The following MCTP2 variants were observed in gnomAD, a reference collection of about 807,000 sequenced individuals.
The protein encoded by MCTP2 is multiple C2 and transmembrane domain-containing protein 2.
Under a neutral mutation model 111.6 loss-of-function variants are expected in MCTP2, and 132 were observed. That is an observed-to-expected ratio of 1.18 (90% confidence interval 1.03 to 1.37). MCTP2 has a LOEUF of 1.37. MCTP2 is among the 40% of genes most tolerant of loss of function. MCTP2 has a pLI of 0.00. For missense variants in MCTP2, 1,183 were observed against 1,067.9 expected (o/e 1.11, Z -1.50); for synonymous variants, 395 against 387.7 (o/e 1.02, Z -0.22).
At chr15:94,422,140 T>A (rs2082656502) in intron 17 of MCTP2, among the ~76,000 whole-genome samples, 1 of 152,154 alleles carries the variant, frequency 6.6e-6, no homozygotes, top group African/African-American at 2.4e-5. Flanking sequence ...TTCAGTCTCC[T>A]TTCCCCAAGG....
At position 94,276,052 on chromosome 15, in the gene MCTP2, G is replaced by C. The variant is rs781772118; in HGVS notation, c.-65-22149G>C. 7.2e-5 allele frequency among the ~76,000 whole-genome samples: 11 copies of C among 152,078 alleles called. No homozygotes were observed. In the South Asian group the frequency reaches 8.3e-4, roughly 11 times the overall value. Reference sequence around the variant, plus strand: ...GTAGAGATGGGATTTCACCGTGTTAGCCAGGATGGTCTTGATCTCCTGACC... The same window carrying C: ...GTAGAGATGGGATTTCACCGTGTTACCCAGGATGGTCTTGATCTCCTGACC... On this transcript the variant is annotated intron_variant, in intron 1 of 22. Coordinates refer to ENST00000357742, the MANE Select transcript of MCTP2 (RefSeq NM_001385001.1).
chr15:94,298,832 C>T (rs1361825053), intron 2 of MCTP2, 102 bp downstream of exon 2: 2 of 424,650 alleles, frequency 4.7e-6, no homozygotes, highest in African/African-American at 1.8e-4. Context: ...TCCCCCCTCC[C>T]CCTCCCTCTC....
chr15:94,289,950 A>G, intron 1 of MCTP2, among the ~76,000 whole-genome samples: 1 of 152,192 alleles, frequency 6.6e-6, no homozygotes, highest in Non-Finnish European at 1.5e-5. Flanking sequence ...AAATAGTGGG[A>G]TGCATCAATG....
At chr15:94,277,148 A>G (rs532919457) in intron 1 of MCTP2, among the ~76,000 whole-genome samples, 14 of 152,258 alleles carry the variant, frequency 9.2e-5, no homozygotes, top group African/African-American at 3.4e-4. Flanking sequence ...ACATACTATC[A>G]GCTCATGAGG....
chr15:94,313,133 G>T (rs967396274), intron 2 of MCTP2, among the ~76,000 whole-genome samples: 1 of 152,092 alleles, frequency 6.6e-6, no homozygotes, highest in Non-Finnish European at 1.5e-5. Flanking sequence ...TTTCATTGAC[G>T]CAATCAGTCC....
At chr15:94,356,918 A>G (rs1035031628) in intron 9 of MCTP2, among the ~76,000 whole-genome samples, 1 of 152,186 alleles carries the variant, frequency 6.6e-6, no homozygotes, top group African/African-American at 2.4e-5. Flanking sequence ...ATTTTATTTC[A>G]AAAACTATAG....
intron 17 of MCTP2, among the ~76,000 whole-genome samples, chr15:94,407,802 CACACACACACACACAT>C (rs1336192483): frequency 7.8e-6 from 1 of 129,014 alleles, no homozygotes; most frequent in Non-Finnish European, 1.7e-5. Context: ...CACACACACA[CACACACACACACACAT>C]GCATGAACAC....
At position 94,316,548 on chromosome 15, in the gene MCTP2, A is replaced by G. The variant is rs8031533; in HGVS notation, c.637+911A>G. On this transcript the variant is annotated intron_variant, in intron 4 of 22. Transcript: ENST00000357742. Reference sequence around the variant, plus strand: ...AAAACAAGGATAGTAAGATTCACCTACCTTACAGGCTGTTGGGAAGATGGC... The same window carrying G: ...AAAACAAGGATAGTAAGATTCACCTGCCTTACAGGCTGTTGGGAAGATGGC... Among the ~76,000 whole-genome samples the G allele has an allele frequency of 1.5e-3, 236 of 152,296 alleles. 3 individuals carry two copies. The highest frequency in any genetic ancestry group is 5.5e-3 in the African/African-American group (228 of 41,552).
At chr15:94,349,381 C>T (rs76071190) in intron 8 of MCTP2, among the ~76,000 whole-genome samples, 2,475 of 152,222 alleles carry the variant, frequency 0.016, 71 homozygotes, top group African/African-American at 0.056. Flanking sequence ...CATACACTTG[C>T]GGTAGAACCT....
At chr15:94,267,915 G>C (rs1159186029) in intron 1 of MCTP2, among the ~76,000 whole-genome samples, 2 of 112,448 alleles carry the variant, frequency 1.8e-5, no homozygotes, top group East Asian at 2.7e-4. Flanking sequence ...GCCCAGGCTA[G>C]AGTGCAGAGG....
At chr15:94,331,603 A>G (rs1596378856) in intron 4 of MCTP2, among the ~76,000 whole-genome samples, 1 of 152,236 alleles carries the variant, frequency 6.6e-6, no homozygotes. Context: ...ATGAGTTGCT[A>G]TAAACTTTAT....
chr15:94,390,096 A>ATATATG (rs2080838459), intron 14 of MCTP2, among the ~76,000 whole-genome samples: 4 of 13,428 alleles, frequency 3.0e-4, no homozygotes, highest in African/African-American at 6.1e-4. Context: ...ATATGTATAT[A>ATATATG]TATATATATA....
Position 94,385,498 on chromosome 15 carries a change from T to G in MCTP2, c.1761T>G (p.Leu587=), listed in dbSNP as rs1567589861. 1 of 1,613,152 alleles carries G rather than the reference T, an allele frequency of 6.2e-7. No individual in the cohort carries two copies. The highest frequency in any genetic ancestry group is 8.5e-7 in the Non-Finnish European group (1 of 1,179,458). Residue 587 remains leucine, a synonymous_variant, in exon 14 of 23, where the codon CTT becomes CTG. Coordinates refer to ENST00000357742, the MANE Select transcript of MCTP2 (RefSeq NM_001385001.1). ...ATGGAGATAAACCCCCAGATTTTCT[T>G]GGAAAAGTTGCCATTCCCTTGCTGT... ...DEDGDKPPDF[L]GKVAIPLLSI...
intron 2 of MCTP2, 144 bp from the exon 3 acceptor site, chr15:94,314,138 C>T: frequency 3.4e-6 from 2 of 596,168 alleles, no homozygotes; most frequent in South Asian, 2.2e-5. Flanking sequence ...CGTCTCCTTG[C>T]CACACAAACA....
intron 17 of MCTP2, among the ~76,000 whole-genome samples, chr15:94,434,350 T>C (rs370830711): frequency 6.6e-6 from 1 of 151,764 alleles, no homozygotes; most frequent in African/African-American, 2.4e-5. Context: ...AGTGCTGAGA[T>C]TACAGGGGTG....
At position 94,401,045 on chromosome 15, in the gene MCTP2, C is replaced by T. The variant is rs922514182; in HGVS notation, c.1966-855C>T. Among the ~76,000 whole-genome samples, 6 of 152,230 alleles carry T rather than the reference C, an allele frequency of 3.9e-5. No homozygotes were observed. The East Asian group carries it at 1.2e-3, about 29-fold the overall frequency. ...TGGGTTGAGGTGGGTGGGGTAGCTGCTTTGCAAGCACATTGAAATGAATCT... is the reference window on the plus strand; with the variant it reads ...TGGGTTGAGGTGGGTGGGGTAGCTGTTTTGCAAGCACATTGAAATGAATCT... On this transcript the variant is annotated intron_variant, in intron 16 of 22. Coordinates refer to ENST00000357742, the MANE Select transcript of MCTP2 (RefSeq NM_001385001.1).
chr15:94,240,536 T>C (rs2070872337), intron 1 of MCTP2, among the ~76,000 whole-genome samples: 1 of 152,168 alleles, frequency 6.6e-6, no homozygotes, highest in Non-Finnish European at 1.5e-5. Context: ...CTGTGCATTC[T>C]CAGGCTCAAT....
chr15:94,314,210 A>G, intron 2 of MCTP2, 72 bp from the exon 3 acceptor site: 1 of 1,025,016 alleles, frequency 9.8e-7, no homozygotes, highest in Non-Finnish European at 1.5e-6. Flanking sequence ...AAAAGACCTG[A>G]TAGAGGGTAT....
At chr15:94,268,834 T>G (rs1411376458) in intron 1 of MCTP2, among the ~76,000 whole-genome samples, 3 of 151,980 alleles carry the variant, frequency 2.0e-5, no homozygotes, top group African/African-American at 7.2e-5. Flanking sequence ...ATGACTACTT[T>G]TTAAGTGATT....
Sources: gnomAD v4.1 joint callset for allele counts (sites outside exome capture counted in the v4.1 genomes callset) on GRCh38, gnomAD v4.1.1 for gene constraint, MANE v1.5 for transcripts, NCBI Gene and HGNC (gene_info 2026-07-23, HGNC 2026-07-21) for gene names.